The following RBFOX1 variants were observed in gnomAD, a reference collection of about 807,000 sequenced individuals.
RBFOX1 encodes RNA binding protein fox-1 homolog 1.
In RBFOX1, 8 loss-of-function variants were observed where a neutral mutation model predicts 57.7. The ratio of observed to expected loss-of-function variants is 0.14; its 90% CI spans 0.08 to 0.25. The LOEUF (loss-of-function observed/expected upper bound fraction) is 0.25, where lower values mean the gene tolerates loss of function less well. Ranked by LOEUF, RBFOX1 falls within the 10% of genes least tolerant of loss-of-function variation. The pLI, the probability that RBFOX1 is intolerant of heterozygous loss-of-function variation, is 1.00. For synonymous variants in RBFOX1, 326 were observed against 222.4 expected (o/e 1.47, Z -4.15); for missense variants, 611 against 548.5 (o/e 1.11, Z -1.14).
chr16:7,566,573 A>G (rs1458309356), intron 5 of RBFOX1, among the ~76,000 whole-genome samples: 4 of 152,118 alleles, frequency 2.6e-5, no homozygotes, highest in Non-Finnish European at 4.4e-5. Flanking sequence ...CAGTTTTCCT[A>G]GTTGTTATGG....
intron 2 of RBFOX1, among the ~76,000 whole-genome samples, chr16:5,509,036 C>A (rs1399497971): frequency 6.6e-6 from 1 of 152,226 alleles, no homozygotes; most frequent in Non-Finnish European, 1.5e-5. Context: ...CACCCTTACT[C>A]AGTCATGTTG....
intron 3 of RBFOX1, among the ~76,000 whole-genome samples, chr16:6,957,188 G>A (rs994305694): frequency 1.3e-5 from 2 of 150,516 alleles, no homozygotes; most frequent in South Asian, 2.1e-4. Context: ...CTGCAGTGCA[G>A]TGGTGTGATC....
intron 10 of RBFOX1, among the ~76,000 whole-genome samples, chr16:7,616,555 C>A (rs982469365): frequency 6.6e-6 from 1 of 152,164 alleles, no homozygotes; most frequent in South Asian, 2.1e-4. Context: ...CTCAGGCATA[C>A]AAAAACAATT....
At chr16:6,825,514 T>C (rs1343412829) in intron 3 of RBFOX1, among the ~76,000 whole-genome samples, 1 of 152,132 alleles carries the variant, frequency 6.6e-6, no homozygotes, top group Non-Finnish European at 1.5e-5. Context: ...AAAATGAATC[T>C]CACTTTTTGA....
At chr16:6,090,259 G>A (rs2096151878) in intron 1 of RBFOX1, 1 of 152,070 alleles carries the variant, frequency 6.6e-6, no homozygotes, top group Non-Finnish European at 1.5e-5. Flanking sequence ...TCCCTATTTT[G>A]AGGTCAGATG....
intron 2 of RBFOX1, among the ~76,000 whole-genome samples, chr16:6,415,711 C>G (rs2093606401): frequency 1.3e-5 from 2 of 151,998 alleles, no homozygotes; most frequent in African/African-American, 2.4e-5. Flanking sequence ...AAACAAAAAA[C>G]AAAACAAACA....
intron 4 of RBFOX1, among the ~76,000 whole-genome samples, chr16:7,123,673 C>T (rs1339361411): frequency 6.6e-6 from 1 of 152,070 alleles, no homozygotes. Flanking sequence ...CAAAAATTAT[C>T]TTTTAAAAGC....
intron 2 of RBFOX1, among the ~76,000 whole-genome samples, chr16:6,543,908 C>T (rs2096858779): frequency 6.6e-6 from 1 of 152,010 alleles, no homozygotes; most frequent in African/African-American, 2.4e-5. Flanking sequence ...ATAGAAAGGC[C>T]ATCTTGGCAT....
chr16:7,565,683 A>G (rs1249723686), intron 5 of RBFOX1, among the ~76,000 whole-genome samples: 1 of 152,226 alleles, frequency 6.6e-6, no homozygotes, highest in Non-Finnish European at 1.5e-5. Context: ...AACTTAATCA[A>G]ATAATGCCTC....
chr16:6,809,763 A>T (rs947676332), intron 3 of RBFOX1, among the ~76,000 whole-genome samples: 5 of 151,842 alleles, frequency 3.3e-5, no homozygotes, highest in African/African-American at 1.2e-4. Context: ...TGGGGCAATC[A>T]TAGAAAGCAG....
intron 1 of RBFOX1, among the ~76,000 whole-genome samples, chr16:6,101,014 G>T (rs913993541): frequency 1.3e-5 from 2 of 152,128 alleles, no homozygotes; most frequent in African/African-American, 2.4e-5. Flanking sequence ...CTCCTATAGA[G>T]TTTTAGGGTC....
chr16:6,100,197 C>T (rs77859615), intron 1 of RBFOX1, among the ~76,000 whole-genome samples: 2 of 151,748 alleles, frequency 1.3e-5, no homozygotes, highest in Non-Finnish European at 2.9e-5. Flanking sequence ...GAGTCTTGCT[C>T]TGTCACCCAG....
intron 4 of RBFOX1, among the ~76,000 whole-genome samples, chr16:5,916,039 C>A (rs533789260): frequency 6.6e-6 from 1 of 152,072 alleles, no homozygotes; most frequent in Admixed American, 6.5e-5. Flanking sequence ...TGCCTGTCCC[C>A]TGGTAGCTAT....
At position 5,685,354 on chromosome 16, in the gene RBFOX1, C is replaced by A. The variant is rs572525430; in HGVS notation, c.318+86393C>A. On this transcript the variant is annotated intron_variant, in intron 3 of 19. Transcript: ENST00000641259. ...GTTAGCCTCCAAGTAAGTCATTTGTCATGGAGGGGCTCTTATGAGTAGATT... is the reference window on the plus strand; with the variant it reads ...GTTAGCCTCCAAGTAAGTCATTTGTAATGGAGGGGCTCTTATGAGTAGATT... Among the ~76,000 whole-genome samples the A allele has an allele frequency of 2.1e-3, 314 of 152,260 alleles. 2 individuals carry two copies. Among genetic ancestry groups the A allele is most frequent in the Non-Finnish European group, 3.4e-3 (232 of 68,024 alleles).
rs970418897 is a variant in RBFOX1 at position 7,297,951 on chromosome 16, A to G, written c.28-220196A>G. 5.9e-5 allele frequency among the ~76,000 whole-genome samples: 9 copies of G among 152,258 alleles called. No individual in the cohort carries two copies. The South Asian group carries it at 1.9e-3, about 32-fold the overall frequency. On this transcript the variant is annotated intron_variant, in intron 4 of 15. Transcript: ENST00000550418. ...GCCTATTTTACGCACATGCATATGCACATACTTCTGTGGATGTCTATATGC... is the reference window on the plus strand; with the variant it reads ...GCCTATTTTACGCACATGCATATGCGCATACTTCTGTGGATGTCTATATGC...
chr16:6,848,583 C>G (rs1049179846), intron 3 of RBFOX1, among the ~76,000 whole-genome samples: 8 of 150,716 alleles, frequency 5.3e-5, no homozygotes, highest in Admixed American at 2.0e-4. Context: ...GTGATAGAAC[C>G]AAAGAAAGAA....
chr16:5,836,198 G>T (rs1370739561), intron 3 of RBFOX1, among the ~76,000 whole-genome samples: 2 of 152,180 alleles, frequency 1.3e-5, no homozygotes, highest in Non-Finnish European at 2.9e-5. Context: ...CTCTGCAGCT[G>T]GGGGGTGAGG....
chr16:7,589,843 C>T (rs1567980142), intron 7 of RBFOX1, among the ~76,000 whole-genome samples: 1 of 151,520 alleles, frequency 6.6e-6, no homozygotes, highest in East Asian at 1.9e-4. Flanking sequence ...AGGAACTCAC[C>T]TTCTTGCCTT....
chr16:5,653,592 C>T (rs1003674375), intron 3 of RBFOX1, among the ~76,000 whole-genome samples: 12 of 152,132 alleles, frequency 7.9e-5, no homozygotes, highest in Non-Finnish European at 1.6e-4. Flanking sequence ...CTCTCCCTGA[C>T]CTCCTTTGCC....
Sources: gnomAD v4.1 joint callset for allele counts (sites outside exome capture counted in the v4.1 genomes callset) on GRCh38, gnomAD v4.1.1 for gene constraint, MANE v1.5 for transcripts, NCBI Gene and HGNC (gene_info 2026-07-23, HGNC 2026-07-21) for gene names.